SNX29: variants seen among roughly 807,000 people sequenced by gnomAD.
SNX29 encodes the protein sorting nexin 29, also known as sorting nexin-29.
A neutral mutation model predicts 102.1 loss-of-function variants in SNX29; 78 were observed. The observed-to-expected ratio is 0.76, with a 90% CI of 0.64 to 0.92. The LOEUF (loss-of-function observed/expected upper bound fraction) is 0.92, where lower values mean the gene tolerates loss of function less well. SNX29 is among the 40% of genes least tolerant of loss of function. The pLI is 0.00. For missense variants in SNX29, 1,280 were observed against 1,061.7 expected, an observed-to-expected ratio of 1.21 and a Z score of -2.86; for synonymous variants, 580 against 414.5, an observed-to-expected ratio of 1.40 and a Z score of -4.85.
chr16:12,082,627 G>A (rs1043980568), intron 11 of SNX29, among the ~76,000 whole-genome samples: 15 of 152,114 alleles, frequency 9.9e-5, no homozygotes, highest in Non-Finnish European at 2.1e-4. Context: ...CATATCCAGA[G>A]CTTATACCTT....
At chr16:12,396,694 G>A (rs17220724) in intron 16 of SNX29, among the ~76,000 whole-genome samples, 23,240 of 152,168 alleles carry the variant, frequency 0.15, 1,954 homozygotes, top group Middle Eastern at 0.23. Flanking sequence ...TCCATGATGC[G>A]TAACTGTTAG....
intron 11 of SNX29, chr16:12,089,886 G>A (rs767315350): frequency 1.4e-5 from 5 of 352,416 alleles, no homozygotes; most frequent in African/African-American, 1.1e-4. Flanking sequence ...AGGCAGTGCT[G>A]AGGGCTCCCC....
intron 4 of SNX29, among the ~76,000 whole-genome samples, chr16:12,034,935 C>T (rs757426489): frequency 1.3e-5 from 2 of 151,948 alleles, no homozygotes; most frequent in South Asian, 2.1e-4. Context: ...TCCTTGAATC[C>T]AGGAGGCGGA....
intron 15 of SNX29, among the ~76,000 whole-genome samples, chr16:12,340,420 T>TATTGTTTGTTTG (rs2081578100): frequency 1.3e-5 from 2 of 152,226 alleles, no homozygotes; most frequent in Non-Finnish European, 2.9e-5. Flanking sequence ...AGGAAGGAGC[T>TATTGTTTGTTTG]TTTATCTGTT....
chr16:12,562,981 T>C (rs2078815107), intron 20 of SNX29, among the ~76,000 whole-genome samples: 1 of 114,070 alleles, frequency 8.8e-6, no homozygotes, highest in South Asian at 2.7e-4. Flanking sequence ...TGAGGGCTGA[T>C]GCGTAAGAAA....
At chr16:12,124,198 A>G (rs1160880477) in intron 11 of SNX29, among the ~76,000 whole-genome samples, 1 of 152,116 alleles carries the variant, frequency 6.6e-6, no homozygotes, top group Non-Finnish European at 1.5e-5. Context: ...TCTACTAAAA[A>G]TACAAAAATT....
intron 20 of SNX29, among the ~76,000 whole-genome samples, chr16:12,533,298 C>T (rs1331211743): frequency 6.6e-6 from 1 of 152,236 alleles, no homozygotes. Flanking sequence ...GGAAAGTCAG[C>T]CCTAGTCACT....
intron 11 of SNX29, among the ~76,000 whole-genome samples, chr16:12,108,486 G>A (rs1384434712): frequency 6.6e-6 from 1 of 152,246 alleles, no homozygotes; most frequent in Non-Finnish European, 1.5e-5. Flanking sequence ...AACCTTTTGA[G>A]TCTTGGAGGT....
chr16:12,201,367 G>T (rs2076910918), intron 14 of SNX29, among the ~76,000 whole-genome samples: 2 of 152,204 alleles, frequency 1.3e-5, no homozygotes, highest in Non-Finnish European at 2.9e-5. Context: ...GGAATGAATA[G>T]TATTTGTCTA....
intron 13 of SNX29, among the ~76,000 whole-genome samples, chr16:12,192,105 G>T (rs980612625): frequency 5.9e-5 from 9 of 152,178 alleles, no homozygotes; most frequent in African/African-American, 2.2e-4. Flanking sequence ...TGCTGTCTGG[G>T]GTTGCTGGTT....
intron 16 of SNX29, among the ~76,000 whole-genome samples, chr16:12,377,652 T>C (rs1001408299): frequency 1.4e-4 from 21 of 152,106 alleles, no homozygotes; most frequent in African/African-American, 4.8e-4. Context: ...AATCAACAGA[T>C]AGTAGTGCTG....
At chr16:12,510,155 A>G (rs2089549831) in intron 19 of SNX29, among the ~76,000 whole-genome samples, 1 of 152,238 alleles carries the variant, frequency 6.6e-6, no homozygotes, top group African/African-American at 2.4e-5. Context: ...CATACCGCCC[A>G]GGACGAGAAT....
At chr16:12,525,205 G>A (rs1196495324) in intron 20 of SNX29, among the ~76,000 whole-genome samples, 1 of 151,996 alleles carries the variant, frequency 6.6e-6, no homozygotes, top group African/African-American at 2.4e-5. Flanking sequence ...TCAAGCTTGG[G>A]TAATGAACCC....
intron 13 of SNX29, among the ~76,000 whole-genome samples, chr16:12,159,270 G>T (rs1368550771): frequency 6.6e-6 from 1 of 152,198 alleles, no homozygotes; most frequent in Admixed American, 6.5e-5. Context: ...TAGGGAGTTG[G>T]CTTCATTCCT....
intron 19 of SNX29, among the ~76,000 whole-genome samples, chr16:12,518,376 A>C (rs942332270): frequency 6.6e-6 from 1 of 152,114 alleles, no homozygotes; most frequent in East Asian, 1.9e-4. Context: ...CTCCTGTTCC[A>C]GCAAGCCAAG....
In SNX29 at chr16:12,163,101, C is replaced by T. The variant is rs141856602; in HGVS notation, c.1595+33343C>T. Among the ~76,000 whole-genome samples the T allele has an allele frequency of 1.2e-4, 18 of 152,258 alleles. No homozygotes were observed. In the East Asian group the frequency reaches 3.3e-3, roughly 28 times the overall value. On this transcript the variant is annotated intron_variant, in intron 13 of 20. Transcript: ENST00000566228. ...TTCACCATGTTGGCCAGGCTGGTCTCGAACTCCTGACCTCAGGTGATACGC... is the reference window on the plus strand; with the variant it reads ...TTCACCATGTTGGCCAGGCTGGTCTTGAACTCCTGACCTCAGGTGATACGC...
intron 11 of SNX29, among the ~76,000 whole-genome samples, chr16:12,122,616 C>G (rs1333639503): frequency 6.6e-6 from 1 of 151,928 alleles, no homozygotes; most frequent in South Asian, 2.1e-4. Context: ...TGGAGTCTAA[C>G]CAAGGGGGAG....
At chr16:12,560,081 C>G (rs918737294) in intron 20 of SNX29, among the ~76,000 whole-genome samples, 3 of 152,120 alleles carry the variant, frequency 2.0e-5, no homozygotes, top group Non-Finnish European at 4.4e-5. Context: ...ACTGTCCTAA[C>G]AGTGGTTATC....
intron 3 of SNX29, among the ~76,000 whole-genome samples, chr16:12,011,487 C>G (rs569867031): frequency 6.6e-6 from 1 of 152,006 alleles, no homozygotes; most frequent in Non-Finnish European, 1.5e-5. Context: ...GTTGGCCAGG[C>G]TGTTCTCAAA....
Sources: allele counts gnomAD v4.1 joint callset (sites outside exome capture counted in the v4.1 genomes callset), GRCh38; gene constraint gnomAD v4.1.1; transcripts MANE v1.5; gene names NCBI Gene and HGNC (gene_info 2026-07-23, HGNC 2026-07-21).